RORB: variants seen among roughly 807,000 people sequenced by gnomAD.
RORB encodes the protein RAR related orphan receptor B, also known as nuclear receptor ROR-beta.
RORB carries 6 observed loss-of-function variants against 59.1 expected under a neutral mutation model. The ratio of observed to expected loss-of-function variants is 0.10; its 90% CI spans 0.06 to 0.20. The LOEUF (loss-of-function observed/expected upper bound fraction) is 0.20. Among genes scored for constraint, RORB ranks in the 10% least tolerant of loss-of-function variants. The pLI is 1.00. For missense variants in RORB, 320 were observed against 560.5 expected, an observed-to-expected ratio of 0.57 and a Z score of 4.33; for synonymous variants, 215 against 204.5, an observed-to-expected ratio of 1.05 and a Z score of -0.44.
At chr9:74,503,817 A>G (rs1417299036) in intron 1 of RORB, among the ~76,000 whole-genome samples, 1 of 152,058 alleles carries the variant, frequency 6.6e-6, no homozygotes, top group East Asian at 1.9e-4. Flanking sequence ...GAGATTTACC[A>G]GTGCACCAAT....
intron 1 of RORB, among the ~76,000 whole-genome samples, chr9:74,611,665 T>C (rs1037691487): frequency 1.3e-5 from 2 of 152,158 alleles, no homozygotes; most frequent in African/African-American, 4.8e-5. Flanking sequence ...TTGTTTGTTT[T>C]TGAGATGGAG....
At chr9:74,660,813 C>T in intron 5 of RORB, 75 bp downstream of exon 5, 1 of 1,452,868 alleles carries the variant, frequency 6.9e-7, no homozygotes, top group African/African-American at 1.4e-5. Context: ...GCACTATTGG[C>T]ATGTTGCACT....
At chr9:74,663,079 ACTGT>A (rs896761632) in intron 6 of RORB, among the ~76,000 whole-genome samples, 20 of 152,036 alleles carry the variant, frequency 1.3e-4, no homozygotes, top group African/African-American at 4.8e-4. Flanking sequence ...TCCCTAACAC[ACTGT>A]CTGACACACA....
chr9:74,680,003 T>C (rs1587421488), intron 9 of RORB, among the ~76,000 whole-genome samples: 1 of 152,028 alleles, frequency 6.6e-6, no homozygotes, highest in African/African-American at 2.4e-5. Context: ...CTCGGGAAGC[T>C]GAGGCAGGAG....
chr9:74,585,940 G>T (rs186846455), intron 1 of RORB, among the ~76,000 whole-genome samples: 2,329 of 151,742 alleles, frequency 0.015, 68 homozygotes, highest in African/African-American at 0.054. Context: ...GACTACAGGC[G>T]CGTGCCACCA....
intron 1 of RORB, among the ~76,000 whole-genome samples, chr9:74,547,989 T>C (rs1826527910): frequency 6.6e-6 from 1 of 152,212 alleles, no homozygotes; most frequent in South Asian, 2.1e-4. Context: ...ACCAGAAATG[T>C]AGCTCTGAAA....
intron 1 of RORB, among the ~76,000 whole-genome samples, chr9:74,548,090 GA>G (rs938292949): frequency 1.3e-5 from 2 of 152,268 alleles, no homozygotes; most frequent in Admixed American, 1.3e-4. Context: ...TGGAGTGTGA[GA>G]AAGCACTCAA....
chr9:74,692,569 G>A lies in RORB; in HGVS notation c.*6951G>A, dbSNP rs1824763068. ...ACCTACTGCGCCTGGGGGGCAGCAT[G>A]GGAGGGGTACAGTTTGCATCTCATT... On this transcript the variant is annotated 3_prime_UTR_variant, in exon 10 of 10. Coordinates refer to ENST00000376896, the MANE Select transcript of RORB (RefSeq NM_006914.4). 1 of 152,162 alleles carries A rather than the reference G, an allele frequency of 6.6e-6. No individual in the cohort carries two copies. Among genetic ancestry groups the A allele is most frequent in the Non-Finnish European group, 1.5e-5 (1 of 68,034 alleles). 9.4% of individuals were successfully genotyped at this position (152,162 alleles called of 1,614,324 possible).
Position 74,541,279 on chromosome 9 carries a change from CAAAA to C in RORB, c.7+43320_7+43323del, listed in dbSNP as rs374556016. On this transcript the variant is annotated intron_variant, in intron 1 of 9. Coordinates refer to ENST00000376896, the MANE Select transcript of RORB (RefSeq NM_006914.4). The stretch of plus-strand genomic sequence containing the variant: ...TGGGCAACAGAAAGAGACTCCATCT[CAAAA>C]AAAAAAAAAAAAAAAAAAAAAAAGT... Among the ~76,000 whole-genome samples the C allele has an allele frequency of 9.6e-4, 42 of 43,564 alleles. 1 individual carries two copies. Among genetic ancestry groups the C allele is most frequent in the African/African-American group, 6.4e-3 (40 of 6,250 alleles). 28.6% of individuals were successfully genotyped at this position (43,564 alleles called of 152,430 possible). A position where few individuals can be genotyped will look rare whatever the true frequency, so the allele number is the denominator to read the frequency against.
intron 9 of RORB, among the ~76,000 whole-genome samples, chr9:74,676,812 A>G (rs1353107363): frequency 6.6e-6 from 1 of 152,212 alleles, no homozygotes; most frequent in Admixed American, 6.5e-5. Context: ...AACCATGTAG[A>G]TGTCCTAACC....
intron 1 of RORB, among the ~76,000 whole-genome samples, chr9:74,560,317 C>T (rs1822376195): frequency 6.6e-6 from 1 of 152,118 alleles, no homozygotes; most frequent in African/African-American, 2.4e-5. Context: ...AATGAAAGTA[C>T]TCAGAATTCG....
At chr9:74,510,364 G>T (rs1825920025) in intron 1 of RORB, among the ~76,000 whole-genome samples, 1 of 152,074 alleles carries the variant, frequency 6.6e-6, no homozygotes, top group Non-Finnish European at 1.5e-5. Flanking sequence ...TTCTTTGCTT[G>T]CTCCATTTTA....
intron 1 of RORB, among the ~76,000 whole-genome samples, chr9:74,626,695 G>A (rs1446409376): frequency 2.0e-5 from 3 of 152,156 alleles, no homozygotes; most frequent in African/African-American, 7.2e-5. Context: ...ATGTTCAGTT[G>A]GAAACCGTAG....
At chr9:74,560,479 CA>C (rs1368253515) in intron 1 of RORB, among the ~76,000 whole-genome samples, 1 of 152,018 alleles carries the variant, frequency 6.6e-6, no homozygotes, top group Non-Finnish European at 1.5e-5. Flanking sequence ...CTGAAAACAT[CA>C]GGGAAAATGG....
intron 1 of RORB, among the ~76,000 whole-genome samples, chr9:74,601,486 G>T (rs541499300): frequency 2.0e-5 from 3 of 151,928 alleles, no homozygotes; most frequent in Admixed American, 2.0e-4. Context: ...CCAGTTTCTT[G>T]TTTATCATGT....
rs1824732396 is a variant in RORB, at chr9:74,691,041, T to C, written c.*5423T>C. 2 of 152,202 alleles carry C rather than the reference T, an allele frequency of 1.3e-5. No individual in the cohort carries two copies. The highest frequency in any genetic ancestry group is 2.9e-5 in the Non-Finnish European group (2 of 68,048). 9.4% of individuals were successfully genotyped at this position (152,202 alleles called of 1,614,324 possible). On this transcript the variant is annotated 3_prime_UTR_variant, in exon 10 of 10. Coordinates refer to ENST00000376896, the MANE Select transcript of RORB (RefSeq NM_006914.4). ...ATAGTCGTGATCATGTAGTCCTCCATTGTTTGGAAGTGCAGACCATGGATT... is the reference window on the plus strand; with the variant it reads ...ATAGTCGTGATCATGTAGTCCTCCACTGTTTGGAAGTGCAGACCATGGATT...
intron 1 of RORB, among the ~76,000 whole-genome samples, chr9:74,601,522 T>A (rs1370550068): frequency 6.6e-6 from 1 of 152,048 alleles, no homozygotes; most frequent in African/African-American, 2.4e-5. Flanking sequence ...CATAAACAAG[T>A]TCTAACGTGT....
Position 74,667,908 on chromosome 9 carries a change from C to T in RORB, c.1111+7C>T, listed in dbSNP as rs1427323097. 1.9e-6 allele frequency: 3 copies of T among 1,541,124 alleles called. No homozygotes were observed. The highest frequency in any genetic ancestry group is 1.4e-5 in the African/African-American group (1 of 73,514). The stretch of plus-strand genomic sequence containing the variant: ...GCTGTTCTGATATCTCCAGGTAGGG[C>T]AGTCTCAGTTCTCTTACCTTTTTAA... On this transcript the variant is annotated splice_region_variant and intron_variant, in intron 8 of 9. Coordinates refer to ENST00000376896, the MANE Select transcript of RORB (RefSeq NM_006914.4).
intron 1 of RORB, among the ~76,000 whole-genome samples, chr9:74,602,631 G>T (rs1460198342): frequency 6.6e-6 from 1 of 152,124 alleles, no homozygotes; most frequent in Non-Finnish European, 1.5e-5. Flanking sequence ...ACCCACAGAG[G>T]GGGAGACAGT....
Sources: allele counts gnomAD v4.1 joint callset (sites outside exome capture counted in the v4.1 genomes callset), GRCh38; gene constraint gnomAD v4.1.1; transcripts MANE v1.5; gene names NCBI Gene and HGNC (gene_info 2026-07-23, HGNC 2026-07-21).